The following ZNF608 variants were observed in gnomAD, a reference collection of about 807,000 sequenced individuals.
ZNF608 encodes the protein renal carcinoma antigen NY-REN-36.
Under a neutral mutation model 109.0 loss-of-function variants are expected in ZNF608, and 12 were observed. That is an observed-to-expected ratio of 0.11 (90% CI 0.07 to 0.18). ZNF608 has a LOEUF of 0.18. Ranked by LOEUF, ZNF608 falls within the 10% of genes least tolerant of loss-of-function variation. ZNF608 has a pLI of 1.00. For synonymous variants in ZNF608, 732 were observed against 717.4 expected (o/e 1.02, Z -0.33); for missense variants, 1,707 against 1,879.3 (o/e 0.91, Z 1.70).
At chr5:124,723,642 C>G (rs748210001) in intron 2 of ZNF608, among the ~76,000 whole-genome samples, 10 of 152,100 alleles carry the variant, frequency 6.6e-5, no homozygotes, top group South Asian at 2.1e-4. Flanking sequence ...GACCAGAGAT[C>G]GTGCCACTGC....
intron 3 of ZNF608, among the ~76,000 whole-genome samples, chr5:124,676,043 G>C (rs1751933846): frequency 6.6e-6 from 1 of 152,218 alleles, no homozygotes; most frequent in Non-Finnish European, 1.5e-5. Flanking sequence ...ATGGGCTGCA[G>C]AAGTAGAGAT....
intron 2 of ZNF608, among the ~76,000 whole-genome samples, chr5:124,730,879 G>T (rs1457337743): frequency 3.9e-5 from 6 of 152,192 alleles, no homozygotes; most frequent in Non-Finnish European, 8.8e-5. Flanking sequence ...ATTTCGGGGG[G>T]TTGTTTTTTA....
intron 3 of ZNF608, among the ~76,000 whole-genome samples, chr5:124,691,925 AT>A (rs1228681232): frequency 8.5e-5 from 13 of 152,156 alleles, no homozygotes; most frequent in Admixed American, 8.5e-4. Flanking sequence ...AAAAAAAAAA[AT>A]CAAGAAAATG....
chr5:124,714,507 G>T (rs1254567279), intron 2 of ZNF608, among the ~76,000 whole-genome samples: 1 of 152,078 alleles, frequency 6.6e-6, no homozygotes, highest in Non-Finnish European at 1.5e-5. Context: ...ATAGGAGTGT[G>T]GTCTCTGTGC....
At chr5:124,679,908 A>G (rs1353538560) in intron 3 of ZNF608, among the ~76,000 whole-genome samples, 3 of 152,198 alleles carry the variant, frequency 2.0e-5, no homozygotes, top group African/African-American at 7.2e-5. Flanking sequence ...AGAAGTGCAG[A>G]TATTAAAGGG....
chr5:124,696,760 G>A (rs559410448), intron 3 of ZNF608, among the ~76,000 whole-genome samples: 18 of 152,124 alleles, frequency 1.2e-4, no homozygotes, highest in Non-Finnish European at 2.1e-4. Context: ...TAAGTAGGAC[G>A]GGTGTCCCTA....
rs1052684511 is a variant in ZNF608, at chr5:124,714,546, A to G, written c.907-13277T>C. 2.6e-5 allele frequency among the ~76,000 whole-genome samples: 4 copies of G among 152,220 alleles called. No homozygotes were observed. The East Asian group carries it at 7.7e-4, about 29-fold the overall frequency. On this transcript the variant is annotated intron_variant, in intron 2 of 9. Transcript: ENST00000513986. ...AATCTCAGATCATTTACTTACTAGT[A>G]TAATCTTGAAAATTTACTTAACCTT...
intron 3 of ZNF608, among the ~76,000 whole-genome samples, chr5:124,678,188 T>G (rs1032100452): frequency 6.6e-6 from 1 of 152,152 alleles, no homozygotes; most frequent in African/African-American, 2.4e-5. Flanking sequence ...GAAGGCATTA[T>G]TCATGCCTTT....
At chr5:124,666,063 G>C (rs1377117679) in intron 3 of ZNF608, among the ~76,000 whole-genome samples, 2 of 152,176 alleles carry the variant, frequency 1.3e-5, no homozygotes, top group South Asian at 2.1e-4. Flanking sequence ...GTGTACCAAA[G>C]GGAAATAGAC....
At chr5:124,645,846 G>C (rs78972501) in intron 5 of ZNF608, among the ~76,000 whole-genome samples, 2,625 of 152,052 alleles carry the variant, frequency 0.017, 78 homozygotes, top group African/African-American at 0.061. Flanking sequence ...CTGAAATCTA[G>C]GCATCTCTGA....
chr5:124,694,142 A>ATT (rs11320730), intron 3 of ZNF608, among the ~76,000 whole-genome samples: 3,459 of 63,780 alleles, frequency 0.054, 167 homozygotes, highest in African/African-American at 0.073. Context: ...CGCTCGGCTA[A>ATT]TTTTTTTTTT....
Position 124,646,865 on chromosome 5 carries a change from C to A in ZNF608, c.3519G>T (p.Val1173=). Residue 1173 remains valine (V), a synonymous_variant, in exon 5 of 10, where the codon GTG becomes GTT. Transcript: ENST00000513986. ...NKNHSKLGPS[V]PNKTEETGKS... ...TACCTGTCTCCTCAGTTTTATTAGG[C>A]ACTGATGGCCCTAGTTTAGAATGGT... is the stretch of plus-strand genomic sequence containing the variant. The A allele has an allele frequency of 6.2e-7, 1 of 1,614,222 alleles. No individual in the cohort carries two copies. The highest frequency in any genetic ancestry group is 2.2e-5 in the East Asian group (1 of 44,896).
intron 3 of ZNF608, among the ~76,000 whole-genome samples, chr5:124,691,364 T>C (rs1335517866): frequency 6.6e-6 from 1 of 152,142 alleles, no homozygotes; most frequent in East Asian, 1.9e-4. Context: ...TGTGTGAAGA[T>C]GCTCAGTGCT....
chr5:124,731,801 G>A (rs1039520969), intron 2 of ZNF608, among the ~76,000 whole-genome samples: 26 of 152,028 alleles, frequency 1.7e-4, no homozygotes, highest in Non-Finnish European at 3.8e-4. Flanking sequence ...ACTCCAGCCT[G>A]GGCGACAAAG....
At chr5:124,738,044 T>C (rs1283568181) in intron 2 of ZNF608, among the ~76,000 whole-genome samples, 4 of 152,146 alleles carry the variant, frequency 2.6e-5, no homozygotes, top group Admixed American at 6.5e-5. Flanking sequence ...ATAAAACCCA[T>C]ACTAACTAAA....
At chr5:124,743,250 G>A (rs1749492239) in intron 2 of ZNF608, among the ~76,000 whole-genome samples, 3 of 152,174 alleles carry the variant, frequency 2.0e-5, no homozygotes, top group African/African-American at 4.8e-5. Flanking sequence ...TCACTCAACC[G>A]TCTACATCCC....
At chr5:124,641,136 CT>C in intron 8 of ZNF608, 115 bp downstream of exon 8, 1 of 1,337,574 alleles carries the variant, frequency 7.5e-7, no homozygotes, top group South Asian at 1.2e-5. Flanking sequence ...GTTAAAAACC[CT>C]CCTGAGAGCT....
chr5:124,735,263 A>G (rs1749090952), intron 2 of ZNF608: 1 of 152,276 alleles, frequency 6.6e-6, no homozygotes, highest in Admixed American at 6.5e-5. Flanking sequence ...TCAAACTAGA[A>G]GCTGGAGCAA....
chr5:124,743,272 T>C (rs1177035822), intron 2 of ZNF608, among the ~76,000 whole-genome samples: 1 of 152,236 alleles, frequency 6.6e-6, no homozygotes, highest in Non-Finnish European at 1.5e-5. Flanking sequence ...TTTGGCTACA[T>C]TTTCACATTT....
Sources: allele counts gnomAD v4.1 joint callset (sites outside exome capture counted in the v4.1 genomes callset), GRCh38; gene constraint gnomAD v4.1.1; transcripts MANE v1.5; gene names NCBI Gene and HGNC (gene_info 2026-07-23, HGNC 2026-07-21).